Variants in MTMR3 observed in about 807,000 individuals in gnomAD.
MTMR3 encodes myotubularin related protein 3.
Under a neutral mutation model 132.4 loss-of-function variants are expected in MTMR3, and 32 were observed. That is an observed-to-expected ratio of 0.24 (90% confidence interval 0.18 to 0.32). The LOEUF (loss-of-function observed/expected upper bound fraction) is 0.32, where lower values mean the gene tolerates loss of function less well. MTMR3 is among the 10% of genes least tolerant of loss of function. The pLI is 1.00. For synonymous variants in MTMR3, 556 were observed against 550.3 expected (o/e 1.01, Z -0.14); for missense variants, 1,216 against 1,489.6 (o/e 0.82, Z 3.02).
intron 2 of MTMR3, among the ~76,000 whole-genome samples, chr22:29,965,942 G>A (rs1278512175): frequency 7.0e-6 from 1 of 142,580 alleles, no homozygotes; most frequent in Non-Finnish European, 1.6e-5. Context: ...TTTCATGAGA[G>A]ATAAAACTTT....
At chr22:29,957,415 G>GTATTTATTTATTTATT (rs59964116) in intron 2 of MTMR3, among the ~76,000 whole-genome samples, 1 of 147,032 alleles carries the variant, frequency 6.8e-6, no homozygotes, top group African/African-American at 2.5e-5. Context: ...ATCTCCAGTT[G>GTATTTATTTATTTATT]TATTTATTTA....
intron 19 of MTMR3, chr22:30,022,992 A>T: frequency 2.2e-6 from 1 of 449,850 alleles, no homozygotes. Flanking sequence ...TCTCAGCATA[A>T]CATTTCTTCC....
intron 19 of MTMR3, chr22:30,022,998 C>T: frequency 2.2e-6 from 1 of 444,506 alleles, no homozygotes; most frequent in Non-Finnish European, 4.1e-6. Flanking sequence ...CATAACATTT[C>T]TTCCCATTCA....
intron 1 of MTMR3, among the ~76,000 whole-genome samples, 164 bp downstream of exon 1, chr22:29,883,523 G>C (rs1246612080): frequency 1.3e-5 from 2 of 152,092 alleles, no homozygotes; most frequent in Non-Finnish European, 2.9e-5. Flanking sequence ...GGGCGTCCCC[G>C]GCGGCTGTCG....
chr22:29,921,929 A>C (rs1485546860), intron 1 of MTMR3, among the ~76,000 whole-genome samples: 1 of 150,788 alleles, frequency 6.6e-6, no homozygotes, highest in Non-Finnish European at 1.5e-5. Flanking sequence ...GCTTGCTGCA[A>C]CCTCGACCTC....
At chr22:29,911,770 A>G (rs998330270) in intron 1 of MTMR3, among the ~76,000 whole-genome samples, 11 of 152,170 alleles carry the variant, frequency 7.2e-5, no homozygotes, top group African/African-American at 2.7e-4. Context: ...GAGTGAAAAT[A>G]GTAAAGTATC....
intron 1 of MTMR3, among the ~76,000 whole-genome samples, chr22:29,949,134 CACACACACA>C (rs1569019630): frequency 3.1e-4 from 13 of 42,562 alleles, no homozygotes; most frequent in African/African-American, 7.6e-4. Context: ...CACACACACA[CACACACACA>C]CCCCCCCCCC....
chr22:30,016,469 T>C, intron 14 of MTMR3, 59 bp from the exon 15 acceptor site: 1 of 1,568,948 alleles, frequency 6.4e-7, no homozygotes, highest in East Asian at 2.3e-5. Context: ...TCAGCTGAGC[T>C]GACTTATCAG....
intron 2 of MTMR3, among the ~76,000 whole-genome samples, chr22:29,963,966 T>C (rs1242808531): frequency 6.6e-6 from 1 of 152,206 alleles, no homozygotes; most frequent in Admixed American, 6.5e-5. Context: ...GGACATGTTT[T>C]TGTTTTCTTG....
At chr22:30,008,982 A>T (rs1398914057) in intron 11 of MTMR3, 36 bp from the exon 12 acceptor site, 1 of 1,456,314 alleles carries the variant, frequency 6.9e-7, no homozygotes, top group Non-Finnish European at 9.6e-7. Flanking sequence ...TTTAAGTTCA[A>T]CGTATTTGTG....
intron 5 of MTMR3, chr22:29,983,370 C>T (rs546047308): frequency 1.3e-5 from 2 of 152,280 alleles, no homozygotes; most frequent in East Asian, 3.9e-4. Flanking sequence ...GGCTGGAGTG[C>T]GTTAGCACAG....
chr22:29,949,134 C>T (rs1198540742), intron 1 of MTMR3, among the ~76,000 whole-genome samples: 2 of 42,546 alleles, frequency 4.7e-5, no homozygotes, highest in African/African-American at 2.5e-4. Flanking sequence ...CACACACACA[C>T]ACACACACAC....
At chr22:29,884,551 CTT>C (rs35960936) in intron 1 of MTMR3, among the ~76,000 whole-genome samples, 10,708 of 62,254 alleles carry the variant, frequency 0.17, 920 homozygotes, top group Admixed American at 0.24. Flanking sequence ...CAGAATGACA[CTT>C]TTTTTTTTTT....
chr22:29,890,532 A>T (rs1197967944), intron 1 of MTMR3, among the ~76,000 whole-genome samples: 2 of 151,940 alleles, frequency 1.3e-5, no homozygotes, highest in African/African-American at 4.8e-5. Flanking sequence ...GAAAAAAAAA[A>T]GTGGGATTAT....
intron 8 of MTMR3, 95 bp from the exon 9 acceptor site, chr22:30,002,785 C>T: frequency 1.1e-6 from 1 of 931,050 alleles, no homozygotes; most frequent in Non-Finnish European, 1.7e-6. Context: ...GATCATCATC[C>T]TTATGCTGGC....
intron 12 of MTMR3, chr22:30,011,273 G>T (rs762538587): frequency 5.3e-5 from 8 of 152,184 alleles, no homozygotes; most frequent in Non-Finnish European, 8.8e-5. Context: ...GATTGGGAGG[G>T]GTGAGGGAAA....
At chr22:30,007,365 A>T (rs745721088) in intron 10 of MTMR3, 46 bp downstream of exon 10, 58 of 1,575,638 alleles carry the variant, frequency 3.7e-5, no homozygotes, top group Non-Finnish European at 5.0e-5. Flanking sequence ...ATAGCATCTA[A>T]GAACCTTTTC....
At chr22:30,000,153 T>C (rs1032857773) in intron 8 of MTMR3, 5 of 151,800 alleles carry the variant, frequency 3.3e-5, no homozygotes, top group Admixed American at 6.6e-5. Context: ...TAGTTAAATA[T>C]CTTAAATCTT....
chr22:29,989,512 C>T (rs1192518875), intron 6 of MTMR3: 2 of 152,192 alleles, frequency 1.3e-5, no homozygotes, highest in Admixed American at 1.3e-4. Context: ...CAGGCATGAA[C>T]CACCATACCC....
Sources: allele counts gnomAD v4.1 joint callset (sites outside exome capture counted in the v4.1 genomes callset), GRCh38; gene constraint gnomAD v4.1.1; transcripts MANE v1.5; gene names NCBI Gene and HGNC (gene_info 2026-07-23, HGNC 2026-07-21).